PCDH15: variants seen among roughly 807,000 people sequenced by gnomAD.
PCDH15 encodes protocadherin-15.
In PCDH15, 129 loss-of-function variants were observed where a neutral mutation model predicts 178.5. The observed-to-expected ratio is 0.72, with a 90% CI of 0.63 to 0.84. The LOEUF is 0.84. PCDH15 is among the 40% of genes least tolerant of loss of function. The pLI, the probability that PCDH15 is intolerant of heterozygous loss-of-function variation, is 0.00. For synonymous variants in PCDH15, 800 were observed against 732.0 expected, an observed-to-expected ratio of 1.09 and a Z score of -1.50; for missense variants, 2,230 against 2,099.9, an observed-to-expected ratio of 1.06 and a Z score of -1.21.
chr10:55,359,745 TATACAC>T (rs56317377), intron 2 of PCDH15, among the ~76,000 whole-genome samples: 29,638 of 130,570 alleles, frequency 0.23, 3,617 homozygotes, highest in Non-Finnish European at 0.29. Flanking sequence ...TATATATATA[TATACAC>T]ACACACACAC....
chr10:55,518,284 T>C lies in PCDH15; in HGVS notation c.-156+109341A>G, dbSNP rs74610426. Among the ~76,000 whole-genome samples the C allele has an allele frequency of 9.2e-3, 1,402 of 152,252 alleles. 18 individuals carry two copies. The highest frequency in any genetic ancestry group is 0.032 in the African/African-American group (1,336 of 41,566). ...TGAACTCTTTTTGATATTGCAATAG[T>C]AGCTTACTGATTAAAATCTATCCTT... On this transcript the variant is annotated intron_variant, in intron 2 of 5. Coordinates refer to the PCDH15 transcript ENST00000613346.
intron 3 of PCDH15, among the ~76,000 whole-genome samples, chr10:54,515,153 G>A (rs2082081792): frequency 6.6e-6 from 1 of 152,342 alleles, no homozygotes; most frequent in Admixed American, 6.5e-5. Flanking sequence ...AGCGCACCGT[G>A]CACCAGCCAA....
intron 10 of PCDH15, among the ~76,000 whole-genome samples, chr10:54,210,553 T>G (rs2051318622): frequency 6.6e-6 from 1 of 152,046 alleles, no homozygotes; most frequent in Admixed American, 6.6e-5. Context: ...TGGCTATGCC[T>G]TTCGAGGGCA....
chr10:54,165,518 C>T (rs1276651406), intron 13 of PCDH15, among the ~76,000 whole-genome samples: 1 of 152,072 alleles, frequency 6.6e-6, no homozygotes, highest in Non-Finnish European at 1.5e-5. Flanking sequence ...ACTTCATGAT[C>T]CTTTTGTAAA....
At chr10:54,360,974 C>G (rs1440282030) in intron 5 of PCDH15, among the ~76,000 whole-genome samples, 2 of 152,086 alleles carry the variant, frequency 1.3e-5, no homozygotes, top group African/African-American at 4.8e-5. Context: ...GGTTATACCA[C>G]TATGTTAACC....
At chr10:55,609,367 T>A (rs1486569249) in intron 2 of PCDH15, among the ~76,000 whole-genome samples, 1 of 152,138 alleles carries the variant, frequency 6.6e-6, no homozygotes, top group Non-Finnish European at 1.5e-5. Flanking sequence ...TTGGTCTTTA[T>A]GTTCATAAAT....
At chr10:55,033,563 T>G (rs1840663116) in intron 2 of PCDH15, among the ~76,000 whole-genome samples, 1 of 152,178 alleles carries the variant, frequency 6.6e-6, no homozygotes, top group Non-Finnish European at 1.5e-5. Context: ...TACCATTACA[T>G]TTTGAAAACA....
intron 3 of PCDH15, among the ~76,000 whole-genome samples, chr10:54,413,511 C>A (rs2135683712): frequency 6.6e-6 from 1 of 152,132 alleles, no homozygotes. Flanking sequence ...TCTAGGTGAA[C>A]AAATGAAACA....
chr10:55,582,582 C>A, intron 2 of PCDH15, among the ~76,000 whole-genome samples: 1 of 113,606 alleles, frequency 8.8e-6, no homozygotes, highest in African/African-American at 3.6e-5. Context: ...ACTGGCTATT[C>A]TGTATGTGTA....
At position 54,731,569 on chromosome 10, in the gene PCDH15, C is replaced by CAT. The variant is rs1943400043; in HGVS notation, c.-28-67280_-28-67279insAT. On this transcript the variant is annotated intron_variant, in intron 1 of 37. Coordinates refer to ENST00000644397, the MANE Select transcript of PCDH15 (RefSeq NM_001384140.1). ...AGATATATATATATATATATACACA[C>CAT]ACACACACACACACACACACACACA... Among the ~76,000 whole-genome samples the CAT allele has an allele frequency of 4.0e-4, 17 of 42,042 alleles. 1 individual carries two copies. The highest frequency in any genetic ancestry group is 0.014 in the Middle Eastern group (1 of 70). 27.6% of individuals were successfully genotyped at this position (42,042 alleles called of 152,430 possible). A position where few individuals can be genotyped will look rare whatever the true frequency, so the allele number is the denominator to read the frequency against.
chr10:54,131,336 G>T (rs2042417896), intron 15 of PCDH15, among the ~76,000 whole-genome samples: 1 of 151,846 alleles, frequency 6.6e-6, no homozygotes, highest in South Asian at 2.1e-4. Context: ...AATTTATTTT[G>T]TTTTCCTTTT....
At chr10:55,563,479 AAAT>A (rs1842241164) in intron 2 of PCDH15, among the ~76,000 whole-genome samples, 1 of 151,936 alleles carries the variant, frequency 6.6e-6, no homozygotes, top group Non-Finnish European at 1.5e-5. Context: ...AATATAAACA[AAAT>A]AATAACAAAA....
intron 2 of PCDH15, among the ~76,000 whole-genome samples, chr10:54,616,986 G>A (rs2093179345): frequency 6.6e-6 from 1 of 151,582 alleles, no homozygotes; most frequent in Admixed American, 6.6e-5. Flanking sequence ...TGTCATTAAG[G>A]ATCACTGTTG....
At chr10:54,359,305 T>C (rs11813358) in intron 5 of PCDH15, among the ~76,000 whole-genome samples, 8,188 of 151,862 alleles carry the variant, frequency 0.054, 255 homozygotes, top group Admixed American at 0.098. Flanking sequence ...GAATAAGCTA[T>C]GAATTTGAAT....
At chr10:54,445,934 C>CT (rs963502132) in intron 3 of PCDH15, among the ~76,000 whole-genome samples, 11 of 151,466 alleles carry the variant, frequency 7.3e-5, no homozygotes, top group African/African-American at 2.7e-4. Context: ...TTCTTCAGTG[C>CT]TTTTTTAGAT....
rs16907198 is a variant in PCDH15 at position 55,287,162 on chromosome 10, A to C, written c.-156+32437T>G. On this transcript the variant is annotated intron_variant, in intron 1 of 5. Coordinates refer to the PCDH15 transcript ENST00000458638. ...AAGTTGCCTCAGCACAAAGTAATAG[A>C]GTCTTGTGTTGAGAAGAAGGTTCTA... Among the ~76,000 whole-genome samples, 368 of 152,108 alleles carry C rather than the reference A, an allele frequency of 2.4e-3. 9 individuals carry two copies. The East Asian group carries it at 0.062, about 26-fold the overall frequency.
intron 2 of PCDH15, among the ~76,000 whole-genome samples, chr10:55,493,066 C>A (rs1157075990): frequency 1.3e-5 from 2 of 151,478 alleles, no homozygotes; most frequent in Admixed American, 6.6e-5. Context: ...ATGCGGTATA[C>A]CAGTAAGTGT....
At chr10:55,051,396 C>G (rs1235500136) in intron 2 of PCDH15, among the ~76,000 whole-genome samples, 1 of 152,018 alleles carries the variant, frequency 6.6e-6, no homozygotes, top group Non-Finnish European at 1.5e-5. Context: ...TAAACAGTAG[C>G]AATACCATTC....
At chr10:54,239,432 T>TATAGAGAGAGAGAGAGAG (rs1554853331) in intron 8 of PCDH15, among the ~76,000 whole-genome samples, 14 of 150,640 alleles carry the variant, frequency 9.3e-5, no homozygotes, top group African/African-American at 3.2e-4. Context: ...TATATATATA[T>TATAGAGAGAGAGAGAGAG]AGAGTAAGAA....
Sources: gnomAD v4.1 joint callset for allele counts (sites outside exome capture counted in the v4.1 genomes callset) on GRCh38, gnomAD v4.1.1 for gene constraint, MANE v1.5 for transcripts, NCBI Gene and HGNC (gene_info 2026-07-23, HGNC 2026-07-21) for gene names.